The following CDYL variants were observed in gnomAD, a reference collection of about 807,000 sequenced individuals.
CDYL encodes chromodomain Y-like protein.
A neutral mutation model predicts 47.3 loss-of-function variants in CDYL; 8 were observed. The observed-to-expected ratio is 0.17, with a 90% CI of 0.10 to 0.31. CDYL has a LOEUF of 0.31. Among genes scored for constraint, CDYL ranks in the 10% least tolerant of loss-of-function variants. The pLI is 1.00. For missense variants in CDYL, 471 were observed against 701.4 expected (o/e 0.67, Z 3.71); for synonymous variants, 266 against 265.0 (o/e 1.00, Z -0.04).
chr6:4,828,651 A>G lies in CDYL; in HGVS notation c.24+51844A>G, dbSNP rs184552959. On this transcript the variant is annotated intron_variant, in intron 1 of 6. Transcript: ENST00000397588. ...TTGATTGGCTTTGGATAAGTAAATC[A>G]TGTCTTTCTTCAGATTTAGGAAGCT... Among the ~76,000 whole-genome samples the G allele has an allele frequency of 3.9e-5, 6 of 152,262 alleles. No homozygotes were observed. In the East Asian group the frequency reaches 7.7e-4, roughly 20 times the overall value.
At chr6:4,725,824 C>A (rs1248915289) in intron 2 of CDYL, among the ~76,000 whole-genome samples, 1 of 152,240 alleles carries the variant, frequency 6.6e-6, no homozygotes, top group African/African-American at 2.4e-5. Flanking sequence ...GCGCCGAGAG[C>A]GAGCGAGGGC....
chr6:4,885,489 C>T (rs982535278), intron 1 of CDYL, among the ~76,000 whole-genome samples: 6 of 152,086 alleles, frequency 3.9e-5, no homozygotes, highest in East Asian at 3.9e-4. Flanking sequence ...GGGTTTTATC[C>T]GAGGTTTCAG....
At chr6:4,837,919 G>A (rs1044703948) in intron 1 of CDYL, among the ~76,000 whole-genome samples, 8 of 151,150 alleles carry the variant, frequency 5.3e-5, no homozygotes, top group Non-Finnish European at 7.4e-5. Context: ...GACTACAGGC[G>A]TGCACCAACA....
chr6:4,896,063 G>A (rs1234608442), intron 2 of CDYL, among the ~76,000 whole-genome samples: 1 of 152,210 alleles, frequency 6.6e-6, no homozygotes, highest in Non-Finnish European at 1.5e-5. Flanking sequence ...GCGCTGGTCA[G>A]ATCAGCCCTG....
chr6:4,735,170 C>T (rs1186227953), intron 3 of CDYL, among the ~76,000 whole-genome samples: 2 of 151,932 alleles, frequency 1.3e-5, no homozygotes, highest in Non-Finnish European at 2.9e-5. Context: ...CCTGTAATCC[C>T]AGCTACTTAG....
At chr6:4,856,508 G>A (rs1340917059) in intron 1 of CDYL, among the ~76,000 whole-genome samples, 16 of 152,214 alleles carry the variant, frequency 1.1e-4, no homozygotes, top group Admixed American at 1.0e-3. Flanking sequence ...GGACCTTTTG[G>A]TTGTGCCAGG....
At chr6:4,845,531 T>C (rs747558546) in intron 1 of CDYL, among the ~76,000 whole-genome samples, 1 of 152,218 alleles carries the variant, frequency 6.6e-6, no homozygotes, top group Non-Finnish European at 1.5e-5. Flanking sequence ...TTATTAACAG[T>C]AGTGTTTAAC....
At chr6:4,815,643 G>A (rs903623768) in intron 1 of CDYL, among the ~76,000 whole-genome samples, 1 of 148,906 alleles carries the variant, frequency 6.7e-6, no homozygotes, top group Non-Finnish European at 1.5e-5. Context: ...ACAGAAATTG[G>A]CATGTGATTG....
chr6:4,759,568 A>G (rs568117473), intron 3 of CDYL, among the ~76,000 whole-genome samples: 34 of 152,162 alleles, frequency 2.2e-4, no homozygotes, highest in African/African-American at 7.9e-4. Context: ...AAAAGAGCCC[A>G]TTGATCTTCT....
At chr6:4,788,326 C>A (rs1417708869) in intron 1 of CDYL, among the ~76,000 whole-genome samples, 1 of 151,626 alleles carries the variant, frequency 6.6e-6, no homozygotes, top group Non-Finnish European at 1.5e-5. Flanking sequence ...CGCGTTTCTG[C>A]TAAACAAAAA....
chr6:4,910,595 A>G (rs530073343), intron 2 of CDYL, among the ~76,000 whole-genome samples: 1 of 152,348 alleles, frequency 6.6e-6, no homozygotes, highest in East Asian at 1.9e-4. Context: ...GGCAACAGGT[A>G]AGTGCTCTCA....
At chr6:4,739,715 A>G (rs958284740) in intron 3 of CDYL, among the ~76,000 whole-genome samples, 1 of 151,984 alleles carries the variant, frequency 6.6e-6, no homozygotes, top group Non-Finnish European at 1.5e-5. Context: ...GAACTTTGGG[A>G]GGTGAGGCAG....
At chr6:4,788,882 A>T (rs1476390735) in intron 1 of CDYL, among the ~76,000 whole-genome samples, 1 of 151,834 alleles carries the variant, frequency 6.6e-6, no homozygotes, top group Non-Finnish European at 1.5e-5. Context: ...GGGATGAAGG[A>T]TGTTGCTGCT....
At chr6:4,831,835 C>T (rs1050411705) in intron 1 of CDYL, among the ~76,000 whole-genome samples, 1 of 152,198 alleles carries the variant, frequency 6.6e-6, no homozygotes, top group African/African-American at 2.4e-5. Context: ...CTCTTTGTAG[C>T]AATTGTGAAT....
At chr6:4,855,743 T>C (rs1760987198) in intron 1 of CDYL, among the ~76,000 whole-genome samples, 1 of 152,240 alleles carries the variant, frequency 6.6e-6, no homozygotes. Context: ...AATACTAACC[T>C]GACTATGGGC....
chr6:4,806,954 A>T (rs1759386917), intron 1 of CDYL, among the ~76,000 whole-genome samples: 1 of 152,200 alleles, frequency 6.6e-6, no homozygotes. Flanking sequence ...TGCGGGCAGG[A>T]TGGGATTCTC....
chr6:4,898,184 T>C (rs1762342077), intron 2 of CDYL, among the ~76,000 whole-genome samples: 1 of 151,610 alleles, frequency 6.6e-6, no homozygotes, highest in Non-Finnish European at 1.5e-5. Flanking sequence ...GTTGCACCAC[T>C]ACACTCCAGC....
intron 2 of CDYL, among the ~76,000 whole-genome samples, chr6:4,932,683 T>C (rs929407100): frequency 1.3e-5 from 2 of 152,174 alleles, no homozygotes; most frequent in African/African-American, 4.8e-5. Flanking sequence ...CTTCTTAGAA[T>C]GCCCAGAGTC....
intron 1 of CDYL, among the ~76,000 whole-genome samples, chr6:4,826,178 G>A (rs1005669955): frequency 6.6e-6 from 1 of 152,198 alleles, no homozygotes; most frequent in Admixed American, 6.5e-5. Context: ...TACCTTATGA[G>A]CAGGTGGTTT....
Sources: allele counts gnomAD v4.1 joint callset (sites outside exome capture counted in the v4.1 genomes callset), GRCh38; gene constraint gnomAD v4.1.1; transcripts MANE v1.5; gene names NCBI Gene and HGNC (gene_info 2026-07-23, HGNC 2026-07-21).